The following ABCA13 variants were observed in gnomAD, a reference collection of about 807,000 sequenced individuals.
ABCA13 encodes ATP-binding cassette sub-family A member 13.
In ABCA13, 476 loss-of-function variants were observed where a neutral mutation model predicts 478.7. The ratio of observed to expected loss-of-function variants is 0.99; its 90% confidence interval spans 0.92 to 1.07. ABCA13 has a LOEUF of 1.07. ABCA13 is among the 50% of genes least tolerant of loss of function. The pLI is 0.00. For synonymous variants in ABCA13, 2,252 were observed against 2,158.9 expected, an observed-to-expected ratio of 1.04 and a Z score of -1.20; for missense variants, 6,060 against 5,910.6, an observed-to-expected ratio of 1.03 and a Z score of -0.83.
In ABCA13 at chr7:48,397,476, TA is replaced by T. The variant is rs1166767759; in HGVS notation, c.11873+5349del. Among the ~76,000 whole-genome samples, 679 of 142,008 alleles carry T rather than the reference TA, an allele frequency of 4.8e-3. 6 individuals are homozygous for T. The highest frequency in any genetic ancestry group is 6.4e-3 in the Non-Finnish European group (414 of 64,726). 93.2% of individuals were successfully genotyped at this position (142,008 alleles called of 152,430 possible). A position where few individuals can be genotyped will look rare whatever the true frequency, so the allele number is the denominator to read the frequency against. On this transcript the variant is annotated intron_variant, in intron 38 of 61. Coordinates refer to ENST00000435803, the MANE Select transcript of ABCA13 (RefSeq NM_152701.5). ...CTTATAATAAAAAAAATTAAAATTG[TA>T]AAAAAAAAAAAGAATATGGTAGAGG... is the stretch of plus-strand genomic sequence containing the variant.
At position 48,554,825 on chromosome 7, in the gene ABCA13, A is replaced by T. The variant is rs915897262; in HGVS notation, c.14355-25399A>T. Reference sequence around the variant, plus strand: ...TGGATGCCCTTTATTATTATTATTTATTATTATTATTATTATTATTATTTG... The same window carrying T: ...TGGATGCCCTTTATTATTATTATTTTTTATTATTATTATTATTATTATTTG... On this transcript the variant is annotated intron_variant, in intron 55 of 61. Transcript: ENST00000435803. Among the ~76,000 whole-genome samples the T allele has an allele frequency of 7.2e-4, 79 of 109,930 alleles. 1 individual carries two copies. The highest frequency in any genetic ancestry group is 2.8e-3 in the African/African-American group (69 of 24,238). 72.1% of individuals were successfully genotyped at this position (109,930 alleles called of 152,430 possible).
intron 20 of ABCA13, among the ~76,000 whole-genome samples, chr7:48,293,722 G>T (rs1393762696): frequency 6.6e-6 from 1 of 151,996 alleles, no homozygotes; most frequent in Non-Finnish European, 1.5e-5. Context: ...TTTGCATTTT[G>T]TCAATTAATA....
intron 41 of ABCA13, among the ~76,000 whole-genome samples, chr7:48,420,152 G>C (rs1384888928): frequency 2.0e-5 from 3 of 152,150 alleles, no homozygotes; most frequent in Non-Finnish European, 4.4e-5. Context: ...GGAGTGAGGA[G>C]GACCTGCCAA....
At chr7:48,314,134 G>C in intron 25 of ABCA13, 98 bp from the exon 26 acceptor site, 1 of 1,286,974 alleles carries the variant, frequency 7.8e-7, no homozygotes, top group Non-Finnish European at 1.1e-6. Flanking sequence ...TGAATATCTT[G>C]TACATTCAGT....
At chr7:48,351,280 A>T (rs73323768) in intron 30 of ABCA13, among the ~76,000 whole-genome samples, 1 of 152,348 alleles carries the variant, frequency 6.6e-6, no homozygotes, top group African/African-American at 2.4e-5. Context: ...CCCATTCAAG[A>T]TAAATATGGT....
chr7:48,425,166 C>A (rs1821235860), intron 41 of ABCA13, among the ~76,000 whole-genome samples: 2 of 152,240 alleles, frequency 1.3e-5, no homozygotes, highest in African/African-American at 2.4e-5. Flanking sequence ...CACACATGCC[C>A]ACAAATGTGT....
At position 48,389,036 on chromosome 7, in the gene ABCA13, A is replaced by G. The variant is rs1206162581; in HGVS notation, c.11474-4A>G. The stretch of plus-strand genomic sequence containing the variant: ...TTCACAATGAATTTTCATCTCTCTC[A>G]CAGGGTCATCACTGCAAAACAGGGA... On this transcript the variant is annotated splice_polypyrimidine_tract_variant and splice_region_variant and intron_variant, in intron 36 of 61. Coordinates refer to ENST00000435803, the MANE Select transcript of ABCA13 (RefSeq NM_152701.5). The G allele has an allele frequency of 6.2e-7, 1 of 1,612,864 alleles. No individual in the cohort carries two copies. Among genetic ancestry groups the G allele is most frequent in the Non-Finnish European group, 8.5e-7 (1 of 1,179,454 alleles).
chr7:48,385,325 G>C, intron 35 of ABCA13, among the ~76,000 whole-genome samples: 1 of 152,120 alleles, frequency 6.6e-6, no homozygotes, highest in South Asian at 2.1e-4. Context: ...CCCAGTGCAT[G>C]TTGTTCCCCG....
intron 44 of ABCA13, among the ~76,000 whole-genome samples, chr7:48,468,374 A>G (rs1274534120): frequency 1.3e-5 from 2 of 151,982 alleles, no homozygotes; most frequent in Non-Finnish European, 2.9e-5. Flanking sequence ...TTCTTCTTCT[A>G]CCTTCCTGGA....
At chr7:48,518,959 C>T (rs1027765575) in intron 52 of ABCA13, among the ~76,000 whole-genome samples, 62 of 152,024 alleles carry the variant, frequency 4.1e-4, no homozygotes, top group African/African-American at 1.5e-3. Flanking sequence ...TAATGCTCTC[C>T]CTCCCCCACC....
rs558948239 is a variant in ABCA13 at position 48,466,840 on chromosome 7, A to G, written c.12816-116A>G. On this transcript the variant is annotated intron_variant, in intron 43 of 61. Transcript: ENST00000435803. ...AGCTGTATCTCACTTACTAGGAATC[A>G]TTAGATGGATCAGCCTGACTAGGGC... 3 of 935,992 alleles carry G rather than the reference A, an allele frequency of 3.2e-6. No individual in the cohort carries two copies. In the South Asian group the frequency reaches 4.0e-5, roughly 12 times the overall value. The allele number at this position is 935,992 out of a possible 1,614,324, so 58.0% of individuals were successfully genotyped here. A position where few individuals can be genotyped will look rare whatever the true frequency, so the allele number is the denominator to read the frequency against.
intron 15 of ABCA13, among the ~76,000 whole-genome samples, chr7:48,266,896 A>G (rs1357454571): frequency 6.6e-6 from 1 of 151,954 alleles, no homozygotes; most frequent in African/African-American, 2.4e-5. Context: ...ATTTTCATTC[A>G]GTTCAAAGTA....
At chr7:48,182,895 G>T (rs1795879344) in intron 1 of ABCA13, among the ~76,000 whole-genome samples, 1 of 152,126 alleles carries the variant, frequency 6.6e-6, no homozygotes, top group African/African-American at 2.4e-5. Context: ...GGAACTCCTT[G>T]TGTGAACATT....
intron 60 of ABCA13, 49 bp downstream of exon 60, chr7:48,643,442 T>A (rs1209219170): frequency 5.0e-6 from 7 of 1,407,712 alleles, no homozygotes; most frequent in Non-Finnish European, 7.0e-6. Flanking sequence ...TAAAAAAAAA[T>A]AATAAATGTA....
At chr7:48,320,002 G>A (rs1803202884) in intron 27 of ABCA13, among the ~76,000 whole-genome samples, 1 of 152,076 alleles carries the variant, frequency 6.6e-6, no homozygotes, top group South Asian at 2.1e-4. Context: ...ACAGAGCTGT[G>A]TGCACCTCCA....
intron 5 of ABCA13, among the ~76,000 whole-genome samples, chr7:48,225,387 C>A (rs190794115): frequency 2.0e-5 from 3 of 152,174 alleles, no homozygotes; most frequent in Admixed American, 2.0e-4. Flanking sequence ...GACTGTACTT[C>A]ACTGTATACT....
chr7:48,576,391 C>G (rs1788187729), intron 55 of ABCA13, among the ~76,000 whole-genome samples: 1 of 152,140 alleles, frequency 6.6e-6, no homozygotes, highest in Admixed American at 6.6e-5. Context: ...GTATTACCTA[C>G]AGGAACCCTA....
intron 59 of ABCA13, among the ~76,000 whole-genome samples, chr7:48,642,271 G>A (rs771883811): frequency 6.6e-6 from 1 of 152,138 alleles, no homozygotes; most frequent in Non-Finnish European, 1.5e-5. Flanking sequence ...TGGGTCCCCT[G>A]TCTTTACCAG....
intron 1 of ABCA13, among the ~76,000 whole-genome samples, chr7:48,184,219 G>T (rs1186779780): frequency 6.6e-6 from 1 of 152,080 alleles, no homozygotes; most frequent in Non-Finnish European, 1.5e-5. Context: ...ATCATATAAG[G>T]TGTTCATAGT....
Sources: gnomAD v4.1 joint callset for allele counts (sites outside exome capture counted in the v4.1 genomes callset) on GRCh38, gnomAD v4.1.1 for gene constraint, MANE v1.5 for transcripts, NCBI Gene and HGNC (gene_info 2026-07-23, HGNC 2026-07-21) for gene names.